Variants in NCAM1 observed in about 807,000 individuals in gnomAD.
The protein encoded by NCAM1 is antigen recognized by monoclonal antibody 5.1H11.
A neutral mutation model predicts 109.8 loss-of-function variants in NCAM1; 14 were observed. The observed-to-expected ratio is 0.13, with a 90% confidence interval of 0.08 to 0.20. The LOEUF (loss-of-function observed/expected upper bound fraction) is 0.20, where lower values mean the gene tolerates loss of function less well. Among genes scored for constraint, NCAM1 ranks in the 10% least tolerant of loss-of-function variants. The pLI is 1.00. For synonymous variants in NCAM1, 418 were observed against 442.9 expected, an observed-to-expected ratio of 0.94 and a Z score of 0.70; for missense variants, 774 against 1,109.9, an observed-to-expected ratio of 0.70 and a Z score of 4.30.
At chr11:113,001,738 G>T (rs1317389378) in intron 1 of NCAM1, among the ~76,000 whole-genome samples, 1 of 152,086 alleles carries the variant, frequency 6.6e-6, no homozygotes, top group Non-Finnish European at 1.5e-5. Flanking sequence ...CCCTGAGTTT[G>T]CAGGTGACAG....
chr11:113,266,474 T>G (rs1946135448), intron 17 of NCAM1, among the ~76,000 whole-genome samples: 2 of 152,040 alleles, frequency 1.3e-5, no homozygotes, highest in South Asian at 4.2e-4. Flanking sequence ...TCAGGGTCAC[T>G]GGGTGAGACA....
intron 1 of NCAM1, among the ~76,000 whole-genome samples, chr11:112,964,142 T>G (rs1453318712): frequency 2.8e-5 from 2 of 71,584 alleles, no homozygotes; most frequent in East Asian, 3.3e-4. Context: ...TTTTTTTTGT[T>G]TTTTTTTTTT....
intron 1 of NCAM1, among the ~76,000 whole-genome samples, chr11:113,164,800 G>A (rs181603415): frequency 3.9e-5 from 6 of 152,094 alleles, no homozygotes; most frequent in Admixed American, 2.6e-4. Flanking sequence ...GCTTCATCAC[G>A]TAGGCAGGAT....
intron 1 of NCAM1, among the ~76,000 whole-genome samples, chr11:113,104,223 G>A (rs1940040180): frequency 9.9e-6 from 1 of 100,760 alleles, no homozygotes; most frequent in Admixed American, 1.1e-4. Flanking sequence ...GGGGGGCGGG[G>A]TGGTGGTGGC....
chr11:113,117,081 G>A (rs890700257), intron 1 of NCAM1, among the ~76,000 whole-genome samples: 8 of 151,930 alleles, frequency 5.3e-5, no homozygotes, highest in Admixed American at 2.0e-4. Flanking sequence ...AATATTTCAT[G>A]TGCCAAGAAT....
chr11:113,245,093 T>C (rs896185408), intron 14 of NCAM1, among the ~76,000 whole-genome samples: 1 of 151,850 alleles, frequency 6.6e-6, no homozygotes, highest in South Asian at 2.1e-4. Flanking sequence ...GAAAAGTGTT[T>C]TTTTTTTTTC....
At chr11:113,174,843 C>G (rs1943098646) in intron 1 of NCAM1, among the ~76,000 whole-genome samples, 1 of 152,146 alleles carries the variant, frequency 6.6e-6, no homozygotes. Flanking sequence ...CTGTGTGCAT[C>G]CCAGAGGAGA....
intron 1 of NCAM1, among the ~76,000 whole-genome samples, chr11:113,113,763 C>CT (rs202004971): frequency 5.1e-5 from 5 of 98,662 alleles, no homozygotes; most frequent in Admixed American, 1.1e-4. Context: ...AAGACAGGTT[C>CT]TTTTAAAAAA....
chr11:113,132,739 C>T lies in NCAM1; in HGVS notation c.53-69640C>T, dbSNP rs77528568. On this transcript the variant is annotated intron_variant, in intron 1 of 19. Coordinates refer to ENST00000316851, the MANE Select transcript of NCAM1 (RefSeq NM_181351.5). ...CTGCAGTTCCCCAGTGAACACTGTC[C>T]ATTTCCCCTGTTTAGTGTTTGAGGC... Among the ~76,000 whole-genome samples the T allele has an allele frequency of 3.9e-3, 590 of 151,102 alleles. 2 individuals carry two copies. The highest frequency in any genetic ancestry group is 0.014 in the African/African-American group (558 of 41,066).
intron 1 of NCAM1, among the ~76,000 whole-genome samples, chr11:113,140,795 A>G (rs1941788697): frequency 1.3e-5 from 2 of 152,212 alleles, no homozygotes; most frequent in Non-Finnish European, 2.9e-5. Context: ...TGTTTTATAA[A>G]TTATATGTAT....
chr11:113,046,881 GGAAAGGAA>G (rs60924813), intron 1 of NCAM1, among the ~76,000 whole-genome samples: 149,998 of 150,068 alleles, frequency 1, 74,964 homozygotes, highest in Middle Eastern at 1. Context: ...AGGAAGGAAG[GGAAAGGAA>G]GAAAGGAAGA....
chr11:113,085,381 A>T (rs1225839960), intron 1 of NCAM1, among the ~76,000 whole-genome samples: 2 of 152,124 alleles, frequency 1.3e-5, no homozygotes, highest in African/African-American at 2.4e-5. Context: ...GCCTTCCTTT[A>T]CCCTGCCTCC....
chr11:113,233,373 T>G lies in NCAM1; in HGVS notation c.1693+56T>G. The G allele has an allele frequency of 6.6e-7, 1 of 1,522,166 alleles. No homozygotes were observed. Among genetic ancestry groups the G allele is most frequent in the Non-Finnish European group, 8.9e-7 (1 of 1,118,774 alleles). 94.3% of individuals were successfully genotyped at this position (1,522,166 alleles called of 1,614,324 possible). On this transcript the variant is annotated intron_variant, in intron 13 of 19. Coordinates refer to ENST00000316851, the MANE Select transcript of NCAM1 (RefSeq NM_181351.5). The surrounding 1 kb of genome is among the most constrained non-coding windows in gnomAD (Gnocchi z 4.5). ...GATCATGAGTGCCTCAGTACTCAGA[T>G]GTCCCCACCTGCCATCCTGGGCATG...
intron 1 of NCAM1, among the ~76,000 whole-genome samples, chr11:113,075,940 C>T (rs904767251): frequency 4.6e-4 from 70 of 152,136 alleles, no homozygotes; most frequent in African/African-American, 1.6e-3. Context: ...TTCACTGACT[C>T]CTTTCCCTGT....
At chr11:113,079,299 G>A (rs917001285) in intron 1 of NCAM1, among the ~76,000 whole-genome samples, 2 of 152,216 alleles carry the variant, frequency 1.3e-5, no homozygotes. Context: ...CAGAGAGTAA[G>A]GGACTTGTCT....
At chr11:112,979,562 A>G (rs1475289589) in intron 1 of NCAM1, among the ~76,000 whole-genome samples, 3 of 151,852 alleles carry the variant, frequency 2.0e-5, no homozygotes, top group African/African-American at 7.2e-5. Flanking sequence ...ACTCTTTTGC[A>G]AGTTAAAGCA....
intron 1 of NCAM1, among the ~76,000 whole-genome samples, chr11:113,073,395 A>T (rs1194496709): frequency 2.6e-5 from 4 of 152,252 alleles, no homozygotes; most frequent in African/African-American, 9.6e-5. Flanking sequence ...AGCTATGTGT[A>T]GAAAAGTTAT....
intron 15 of NCAM1, among the ~76,000 whole-genome samples, chr11:113,247,824 A>G (rs1555120582): frequency 6.6e-6 from 1 of 152,168 alleles, no homozygotes; most frequent in East Asian, 1.9e-4. Context: ...TCTAAACTAC[A>G]AGTCCCACCC....
chr11:113,048,877 C>A (rs1260416525), intron 1 of NCAM1, among the ~76,000 whole-genome samples: 1 of 152,162 alleles, frequency 6.6e-6, no homozygotes, highest in African/African-American at 2.4e-5. Context: ...ACTCCAGCTG[C>A]TTGGTACTCT....
Sources: allele counts gnomAD v4.1 joint callset (sites outside exome capture counted in the v4.1 genomes callset), GRCh38; gene constraint gnomAD v4.1.1; non-coding constraint Gnocchi (gnomAD v3.1); transcripts MANE v1.5; gene names NCBI Gene and HGNC (gene_info 2026-07-23, HGNC 2026-07-21).